TANC1: variants seen among roughly 807,000 people sequenced by gnomAD.
The protein encoded by TANC1 is protein TANC1.
Under a neutral mutation model 149.7 loss-of-function variants are expected in TANC1, and 77 were observed. The observed-to-expected ratio is 0.51, with a 90% CI of 0.43 to 0.62. TANC1 has a LOEUF of 0.62. TANC1 is among the 20% of genes least tolerant of loss of function. The pLI is 0.00. For missense variants in TANC1, 1,985 were observed against 2,321.8 expected (o/e 0.85, Z 2.98); for synonymous variants, 854 against 925.0 (o/e 0.92, Z 1.39).
intron 2 of TANC1, chr2:159,027,220 G>T (rs939698353): frequency 3.3e-5 from 5 of 152,074 alleles, no homozygotes; most frequent in African/African-American, 9.7e-5. Flanking sequence ...TATACATTTT[G>T]TCTTTAAGTC....
At chr2:159,216,020 G>A (rs531445195) in intron 19 of TANC1, among the ~76,000 whole-genome samples, 1 of 151,990 alleles carries the variant, frequency 6.6e-6, no homozygotes, top group African/African-American at 2.4e-5. Flanking sequence ...TCTGCAAGTG[G>A]GTTGCTGGGT....
intron 1 of TANC1, among the ~76,000 whole-genome samples, chr2:158,994,854 A>G (rs1029860026): frequency 3.9e-5 from 6 of 152,246 alleles, no homozygotes; most frequent in African/African-American, 1.4e-4. Context: ...TCACAAAATA[A>G]CTACTGTTTG....
intron 6 of TANC1, 123 bp from the exon 7 acceptor site, chr2:159,150,247 G>C: frequency 1.4e-6 from 1 of 731,518 alleles, no homozygotes. Context: ...TATCTCTTTA[G>C]ATTTTTTTTT....
intron 1 of TANC1, among the ~76,000 whole-genome samples, chr2:158,974,096 A>G (rs2033298584): frequency 6.6e-6 from 1 of 152,200 alleles, no homozygotes; most frequent in Non-Finnish European, 1.5e-5. Flanking sequence ...GTTGTCCTAC[A>G]TACGTAGAAT....
At chr2:159,006,408 A>C (rs1268020501) in intron 2 of TANC1, among the ~76,000 whole-genome samples, 1 of 152,168 alleles carries the variant, frequency 6.6e-6, no homozygotes, top group East Asian at 1.9e-4. Context: ...AATTATCCAC[A>C]CAGGACCAAG....
intron 1 of TANC1, among the ~76,000 whole-genome samples, chr2:158,995,081 T>C (rs1475743366): frequency 6.6e-6 from 1 of 152,192 alleles, no homozygotes; most frequent in Non-Finnish European, 1.5e-5. Context: ...AAGGAGATAA[T>C]GGGTGTAAGA....
At chr2:159,044,173 C>T (rs924046965) in intron 2 of TANC1, among the ~76,000 whole-genome samples, 2 of 152,216 alleles carry the variant, frequency 1.3e-5, no homozygotes, top group Non-Finnish European at 2.9e-5. Context: ...GGAACAATGG[C>T]TCTCGCCTGT....
rs554161933 is a variant in TANC1 at position 159,225,522 on chromosome 2, A to G, written c.3812-166A>G. 302 of 623,226 alleles carry G rather than the reference A, an allele frequency of 4.8e-4. 2 individuals carry two copies. The East Asian group carries it at 8.2e-3, about 17-fold the overall frequency. 38.6% of individuals were successfully genotyped at this position (623,226 alleles called of 1,614,324 possible). On this transcript the variant is annotated intron_variant, in intron 23 of 26. Coordinates refer to ENST00000263635, the MANE Select transcript of TANC1 (RefSeq NM_033394.3). Reference sequence around the variant, plus strand: ...ATTTGAGTGCCCAGGTCAGTGGGAAAGGATTAGCAACAGCCTCGCCGGCGT... The same window carrying G: ...ATTTGAGTGCCCAGGTCAGTGGGAAGGGATTAGCAACAGCCTCGCCGGCGT...
intron 2 of TANC1, among the ~76,000 whole-genome samples, chr2:159,019,585 A>G (rs1274700883): frequency 6.8e-6 from 1 of 146,962 alleles, no homozygotes; most frequent in African/African-American, 2.5e-5. Flanking sequence ...GCAGTTGTCC[A>G]CTTGTTTGGA....
chr2:159,128,946 A>G, intron 4 of TANC1, among the ~76,000 whole-genome samples: 1 of 152,176 alleles, frequency 6.6e-6, no homozygotes, highest in Non-Finnish European at 1.5e-5. Context: ...CCCCCAAAAT[A>G]TTATCTTACT....
intron 3 of TANC1, among the ~76,000 whole-genome samples, chr2:159,088,027 C>T (rs1034285114): frequency 5.3e-5 from 8 of 151,588 alleles, no homozygotes; most frequent in Admixed American, 2.6e-4. Context: ...AGATTCTCCC[C>T]GAGAGCCTTC....
At position 159,230,144 on chromosome 2, in the gene TANC1, C is replaced by T. The variant is rs2060262093; in HGVS notation, c.4718C>T (p.Thr1573Ile). The T allele has an allele frequency of 1.2e-6, 2 of 1,613,798 alleles. No homozygotes were observed. Among genetic ancestry groups the T allele is most frequent in the Admixed American group, 1.7e-5 (1 of 60,018 alleles). ...PSPMPGRIAATPAGSRTQHLE... is the reference protein window; with the variant it reads ...PSPMPGRIAAIPAGSRTQHLE... Reference sequence around the variant, plus strand: ...CCCATGCCAGGGAGAATCGCTGCCACTCCTGCTGGGAGCAGAACCCAGCAT... The same window carrying T: ...CCCATGCCAGGGAGAATCGCTGCCATTCCTGCTGGGAGCAGAACCCAGCAT... Residue 1573 changes from threonine to isoleucine, a missense_variant, in exon 27 of 27, where the codon ACT becomes ATT. Around this residue, in one of 3 missense-constraint regions of TANC1, gnomAD observed 920 missense variants for 994.7 expected, o/e 0.92. Coordinates refer to ENST00000263635, the MANE Select transcript of TANC1 (RefSeq NM_033394.3). The surrounding 1 kb of genome is among the most constrained non-coding windows in gnomAD (Gnocchi z 4.4).
chr2:159,060,115 G>A, intron 2 of TANC1: 1 of 975,586 alleles, frequency 1.0e-6, no homozygotes, highest in South Asian at 4.7e-5. Context: ...TTAGTTACGT[G>A]AGTCAGACTA....
chr2:159,121,127 T>C (rs1415392642), intron 4 of TANC1, among the ~76,000 whole-genome samples: 3 of 152,196 alleles, frequency 2.0e-5, no homozygotes, highest in South Asian at 2.1e-4. Context: ...CTAGCTAGCA[T>C]GTCCACATGT....
intron 3 of TANC1, among the ~76,000 whole-genome samples, chr2:159,089,535 A>T (rs145694700): frequency 6.6e-6 from 1 of 151,632 alleles, no homozygotes; most frequent in Admixed American, 6.6e-5. Flanking sequence ...CTGTCCTCCC[A>T]TTACACTCCA....
rs141914295 is a variant in TANC1 at position 159,130,505 on chromosome 2, C to T, written c.260-5689C>T. 2.4e-3 allele frequency among the ~76,000 whole-genome samples: 362 copies of T among 152,052 alleles called. 1 individual carries two copies. Among genetic ancestry groups the T allele is most frequent in the African/African-American group, 8.5e-3 (351 of 41,460 alleles). On this transcript the variant is annotated intron_variant, in intron 4 of 26. Coordinates refer to ENST00000263635, the MANE Select transcript of TANC1 (RefSeq NM_033394.3). The stretch of plus-strand genomic sequence containing the variant: ...GGAGTGTTCCGTATAGATGGCACAG[C>T]GATTAGTGTCATTGTGGTTTAATAG...
chr2:159,034,146 A>C (rs2039997947), intron 2 of TANC1, among the ~76,000 whole-genome samples: 1 of 152,202 alleles, frequency 6.6e-6, no homozygotes, highest in Admixed American at 6.5e-5. Flanking sequence ...TACCTGCCAA[A>C]GCAGCCGGAC....
At chr2:159,153,531 T>C (rs545890969) in intron 7 of TANC1, among the ~76,000 whole-genome samples, 47 of 152,342 alleles carry the variant, frequency 3.1e-4, no homozygotes, top group African/African-American at 1.1e-3. Context: ...AGCGTTCCTC[T>C]GTTCTCCTTC....
chr2:159,117,376 A>G (rs1400653100), intron 4 of TANC1, among the ~76,000 whole-genome samples: 1 of 152,006 alleles, frequency 6.6e-6, no homozygotes, highest in Non-Finnish European at 1.5e-5. Context: ...ACTGATATTG[A>G]TACCTACTAA....
Sources: allele counts gnomAD v4.1 joint callset (sites outside exome capture counted in the v4.1 genomes callset), GRCh38; gene constraint gnomAD v4.1.1; regional missense constraint gnomAD v4.1.1; non-coding constraint Gnocchi (gnomAD v3.1); transcripts MANE v1.5; gene names NCBI Gene and HGNC (gene_info 2026-07-23, HGNC 2026-07-21).